MARCHF6: variants seen among roughly 807,000 people sequenced by gnomAD.
MARCHF6 encodes the protein E3 ubiquitin-protein ligase MARCHF6.
Under a neutral mutation model 133.7 loss-of-function variants are expected in MARCHF6, and 31 were observed. That is an observed-to-expected ratio of 0.23 (90% CI 0.17 to 0.31). MARCHF6 has a LOEUF of 0.31. MARCHF6 is among the 10% of genes least tolerant of loss of function. The probability of loss-of-function intolerance (pLI) is 1.00; values close to 1 mark genes in which losing one functional copy is unlikely to be tolerated. For missense variants in MARCHF6, 723 were observed against 1,121.6 expected (o/e 0.64, Z 5.08); for synonymous variants, 395 against 402.5 (o/e 0.98, Z 0.22).
intron 1 of MARCHF6, among the ~76,000 whole-genome samples, chr5:10,355,628 CAT>C (rs1221428901): frequency 1.6e-4 from 25 of 152,312 alleles, no homozygotes; most frequent in African/African-American, 5.5e-4. Context: ...GTTAAAATAA[CAT>C]GTGCTGAAGA....
At chr5:10,418,557 G>A (rs1257159945) in intron 22 of MARCHF6, among the ~76,000 whole-genome samples, 2 of 152,134 alleles carry the variant, frequency 1.3e-5, no homozygotes, top group African/African-American at 4.8e-5. Context: ...AAAGAGCTAG[G>A]TATTGACTTC....
intron 25 of MARCHF6, among the ~76,000 whole-genome samples, chr5:10,431,461 TCTG>T (rs1224076523): frequency 6.6e-6 from 1 of 152,224 alleles, no homozygotes. Context: ...TCTATCTTCT[TCTG>T]CTTTTTCCTG....
intron 3 of MARCHF6, among the ~76,000 whole-genome samples, 191 bp from the exon 4 acceptor site, chr5:10,381,609 A>G (rs1737152147): frequency 6.6e-6 from 1 of 152,150 alleles, no homozygotes; most frequent in African/African-American, 2.4e-5. Flanking sequence ...CACGTTTCAC[A>G]TGTGATTTGC....
At chr5:10,353,970 AC>A in intron 1 of MARCHF6, 53 bp downstream of exon 1, 1 of 1,517,094 alleles carries the variant, frequency 6.6e-7, no homozygotes. Flanking sequence ...CCGGGTTCGT[AC>A]CCCGGCCAGG....
chr5:10,369,248 A>G (rs1736317110), intron 1 of MARCHF6, among the ~76,000 whole-genome samples: 1 of 152,226 alleles, frequency 6.6e-6, no homozygotes, highest in Non-Finnish European at 1.5e-5. Context: ...ATGCCCAGAA[A>G]GTGGAAAGTG....
intron 1 of MARCHF6, among the ~76,000 whole-genome samples, chr5:10,360,197 T>C (rs1427139200): frequency 1.5e-5 from 2 of 134,444 alleles, no homozygotes; most frequent in Admixed American, 1.6e-4. Context: ...TTGCCCAGGC[T>C]AGAGTACAGT....
chr5:10,357,871 G>T (rs932992212), intron 1 of MARCHF6, among the ~76,000 whole-genome samples: 1 of 151,630 alleles, frequency 6.6e-6, no homozygotes, highest in South Asian at 2.1e-4. Flanking sequence ...AAATAAACAT[G>T]TAAATTATAT....
At chr5:10,388,341 C>T (rs1346258006) in intron 5 of MARCHF6, among the ~76,000 whole-genome samples, 5 of 152,136 alleles carry the variant, frequency 3.3e-5, no homozygotes, top group Admixed American at 2.0e-4. Context: ...TAATGTTTTA[C>T]ACTCTCTATA....
intron 2 of MARCHF6, 126 bp from the exon 3 acceptor site, chr5:10,378,633 A>G (rs1736932000): frequency 1.3e-5 from 8 of 618,022 alleles, no homozygotes. Flanking sequence ...GAATATTCTA[A>G]ATTTGAAAAT....
At chr5:10,424,571 A>G (rs567459766) in intron 23 of MARCHF6, among the ~76,000 whole-genome samples, 21 of 152,328 alleles carry the variant, frequency 1.4e-4, no homozygotes, top group African/African-American at 5.1e-4. Flanking sequence ...ATTTTCATCA[A>G]CCACGTTTAA....
chr5:10,433,403 C>T (rs1293697208), intron 25 of MARCHF6, among the ~76,000 whole-genome samples, 191 bp from the exon 26 acceptor site: 2 of 152,234 alleles, frequency 1.3e-5, no homozygotes, highest in Non-Finnish European at 2.9e-5. Context: ...CCAGCCTGTG[C>T]TGCTTCTGCA....
intron 11 of MARCHF6, 67 bp downstream of exon 11, chr5:10,400,909 G>A (rs1738491719): frequency 1.6e-6 from 2 of 1,219,258 alleles, no homozygotes; most frequent in Non-Finnish European, 2.4e-6. Context: ...TAATAAAATA[G>A]TATTCTAAAG....
At chr5:10,427,775 G>C (rs1201519470) in intron 24 of MARCHF6, among the ~76,000 whole-genome samples, 2 of 152,038 alleles carry the variant, frequency 1.3e-5, no homozygotes, top group Non-Finnish European at 2.9e-5. Context: ...ACTTCTAATA[G>C]TCTCATTGCT....
intron 7 of MARCHF6, among the ~76,000 whole-genome samples, chr5:10,392,437 G>A (rs370705552): frequency 6.6e-6 from 1 of 152,254 alleles, no homozygotes; most frequent in Non-Finnish European, 1.5e-5. Flanking sequence ...AGTTTATACT[G>A]CAGACAAGAT....
rs116488225 is a variant in MARCHF6 at position 10,357,484 on chromosome 5, G to T, written c.19+3567G>T. On this transcript the variant is annotated intron_variant, in intron 1 of 25. Transcript: ENST00000274140. ...TATGCTTTACGGAACATATTCATTC[G>T]AAAAGTGTGAAGCTAAAGAGTATTA... Among the ~76,000 whole-genome samples the T allele has an allele frequency of 2.5e-3, 384 of 151,972 alleles. 3 individuals are homozygous for T. The highest frequency in any genetic ancestry group is 8.9e-3 in the African/African-American group (368 of 41,444).
intron 12 of MARCHF6, 21 bp from the exon 13 acceptor site, chr5:10,402,363 T>G: frequency 6.2e-7 from 1 of 1,609,584 alleles, no homozygotes; most frequent in Non-Finnish European, 8.5e-7. Context: ...TACTCAGTTT[T>G]TCCTTGACCT....
chr5:10,426,168 C>T (rs1418210387), intron 23 of MARCHF6, among the ~76,000 whole-genome samples: 1 of 152,210 alleles, frequency 6.6e-6, no homozygotes, highest in East Asian at 1.9e-4. Flanking sequence ...TATTTCATCA[C>T]TTAGCAGAGC....
intron 1 of MARCHF6, 147 bp downstream of exon 1, chr5:10,354,064 G>A (rs1735280003): frequency 5.6e-6 from 4 of 712,896 alleles, no homozygotes; most frequent in Non-Finnish European, 8.1e-6. Flanking sequence ...CTCTGGGCCG[G>A]GGAGCGGAAG....
At chr5:10,382,992 A>T (rs1442612547) in intron 4 of MARCHF6, among the ~76,000 whole-genome samples, 1 of 152,170 alleles carries the variant, frequency 6.6e-6, no homozygotes, top group Non-Finnish European at 1.5e-5. Context: ...TCTTATAGAC[A>T]TGGAGAGAAG....
Sources: allele counts gnomAD v4.1 joint callset (sites outside exome capture counted in the v4.1 genomes callset), GRCh38; gene constraint gnomAD v4.1.1; transcripts MANE v1.5; gene names NCBI Gene and HGNC (gene_info 2026-07-23, HGNC 2026-07-21).